EEF2K: variants seen among roughly 807,000 people sequenced by gnomAD.
The protein encoded by EEF2K is alternative protein EEF2K.
A neutral mutation model predicts 93.8 loss-of-function variants in EEF2K; 70 were observed. The ratio of observed to expected loss-of-function variants is 0.75; its 90% CI spans 0.62 to 0.91. The LOEUF (loss-of-function observed/expected upper bound fraction) is 0.91, where lower values mean the gene tolerates loss of function less well. EEF2K is among the 40% of genes least tolerant of loss of function. EEF2K has a pLI of 0.00. For missense variants in EEF2K, 935 were observed against 972.9 expected (o/e 0.96, Z 0.52); for synonymous variants, 376 against 380.8 (o/e 0.99, Z 0.15).
At chr16:22,252,100 C>A (rs2047357678) in intron 6 of EEF2K, among the ~76,000 whole-genome samples, 1 of 152,184 alleles carries the variant, frequency 6.6e-6, no homozygotes, top group Admixed American at 6.6e-5. Context: ...GTTCCAGAGT[C>A]ATTTATTCCT....
intron 6 of EEF2K, among the ~76,000 whole-genome samples, chr16:22,252,510 C>G (rs2047361394): frequency 6.6e-6 from 1 of 152,198 alleles, no homozygotes; most frequent in African/African-American, 2.4e-5. Flanking sequence ...CCGAGCCAAT[C>G]ACAGTGGCCA....
intron 2 of EEF2K, among the ~76,000 whole-genome samples, chr16:22,236,899 A>ATGT (rs1197338935): frequency 9.7e-6 from 1 of 102,774 alleles, no homozygotes; most frequent in Non-Finnish European, 2.0e-5. Flanking sequence ...AGCCAGAATT[A>ATGT]TGTTTTCCTT....
chr16:22,273,628 G>A lies in EEF2K; in HGVS notation c.1767G>A (p.Glu589=). The change falls in exon 16 of 18, where the codon GAG becomes GAA. Residue 589 remains glutamate (E), a splice_region_variant and synonymous_variant. Coordinates refer to ENST00000263026, the MANE Select transcript of EEF2K (RefSeq NM_013302.5). ...CCCTCTTTGGTTTGTATCAACAGGAGACAGAAGAGAACAAAACCAAAGGAT... is the reference window on the plus strand; with the variant it reads ...CCCTCTTTGGTTTGTATCAACAGGAAACAGAAGAGAACAAAACCAAAGGAT... ...HHILADVSLK[E]TEENKTKGFD... is the part of the protein sequence containing the mutation. The A allele has an allele frequency of 6.2e-7, 1 of 1,614,106 alleles. No individual in the cohort carries two copies. The highest frequency in any genetic ancestry group is 8.5e-7 in the Non-Finnish European group (1 of 1,180,012).
At position 22,283,364 on chromosome 16, in the gene EEF2K, T is replaced by G. The variant is rs576784205; in HGVS notation, c.2069-523T>G. ...ATGATGCAAATCTATAATCTTTTAT[T>G]TGAAAATTTTAAATCCAAAAAGCTC... On this transcript the variant is annotated intron_variant, in intron 17 of 17. Coordinates refer to ENST00000263026, the MANE Select transcript of EEF2K (RefSeq NM_013302.5). Among the ~76,000 whole-genome samples, 110 of 152,004 alleles carry G rather than the reference T, an allele frequency of 7.2e-4. 1 individual carries two copies. Among genetic ancestry groups the G allele is most frequent in the Admixed American group, 8.5e-4 (13 of 15,268 alleles).
intron 10 of EEF2K, among the ~76,000 whole-genome samples, chr16:22,259,019 CA>C (rs11310612): frequency 0.24 from 35,447 of 147,982 alleles, 7,985 homozygotes; most frequent in African/African-American, 0.6. Context: ...GTATAGAGAA[CA>C]AAAAAAAAAT....
intron 9 of EEF2K, 145 bp from the exon 10 acceptor site, chr16:22,258,349 T>G: frequency 1.2e-6 from 1 of 860,332 alleles, no homozygotes; most frequent in Non-Finnish European, 1.7e-6. Flanking sequence ...ATTTTTTATT[T>G]TTTAAGACAA....
chr16:22,216,786 G>A (rs2046961919), intron 1 of EEF2K, among the ~76,000 whole-genome samples: 1 of 152,014 alleles, frequency 6.6e-6, no homozygotes, highest in African/African-American at 2.4e-5. Flanking sequence ...GGGTGGGGAA[G>A]GGAAGTAGTA....
intron 16 of EEF2K, among the ~76,000 whole-genome samples, chr16:22,277,888 T>C (rs2047653459): frequency 6.6e-6 from 1 of 152,100 alleles, no homozygotes; most frequent in Non-Finnish European, 1.5e-5. Flanking sequence ...TCTTGCTGTG[T>C]CATCACCTGG....
intron 1 of EEF2K, among the ~76,000 whole-genome samples, chr16:22,214,584 G>C (rs1244790431): frequency 6.6e-6 from 1 of 152,150 alleles, no homozygotes; most frequent in African/African-American, 2.4e-5. Flanking sequence ...AGGATCACTT[G>C]AGCCCAGGAG....
chr16:22,267,542 C>T (rs1598201398), intron 15 of EEF2K, among the ~76,000 whole-genome samples: 1 of 151,740 alleles, frequency 6.6e-6, no homozygotes, highest in East Asian at 1.9e-4. Flanking sequence ...TTATAGTGAG[C>T]TGAGATCACA....
chr16:22,268,087 G>A (rs1274417061), intron 15 of EEF2K, among the ~76,000 whole-genome samples: 1 of 152,174 alleles, frequency 6.6e-6, no homozygotes, highest in Admixed American at 6.5e-5. Context: ...TCTCAGACTC[G>A]AGGGTGGGAA....
intron 13 of EEF2K, chr16:22,265,387 G>A (rs1291833078): frequency 6.6e-6 from 1 of 152,066 alleles, no homozygotes; most frequent in Non-Finnish European, 1.5e-5. Context: ...GCCCATCTTT[G>A]GAGCCTTTAC....
intron 16 of EEF2K, among the ~76,000 whole-genome samples, chr16:22,278,038 C>T (rs1218825606): frequency 6.6e-6 from 1 of 152,002 alleles, no homozygotes; most frequent in Non-Finnish European, 1.5e-5. Context: ...GAGTGTGTCT[C>T]TATAAAAAAA....
rs1393041617 is a variant in EEF2K at position 22,225,660 on chromosome 16, C to T, written c.-70C>T. ...GCCCTTGCTTTCCTTGTAGGACCTTCGCCTCTGCATTTGTCCAGTAACTCT... is the reference window on the plus strand; with the variant it reads ...GCCCTTGCTTTCCTTGTAGGACCTTTGCCTCTGCATTTGTCCAGTAACTCT... On this transcript the variant is annotated 5_prime_UTR_variant, in exon 2 of 18. Transcript: ENST00000263026. The T allele has an allele frequency of 1.9e-6, 3 of 1,572,738 alleles. No homozygotes were observed. Among genetic ancestry groups the T allele is most frequent in the Admixed American group, 1.8e-5 (1 of 56,848 alleles).
At chr16:22,231,212 C>T (rs2047111410) in intron 2 of EEF2K, among the ~76,000 whole-genome samples, 1 of 150,638 alleles carries the variant, frequency 6.6e-6, no homozygotes, top group Admixed American at 6.6e-5. Context: ...CCTCAGCCTT[C>T]CGAATAGCTG....
intron 2 of EEF2K, among the ~76,000 whole-genome samples, chr16:22,227,956 A>G (rs1184380216): frequency 6.6e-6 from 1 of 151,140 alleles, no homozygotes; most frequent in East Asian, 1.9e-4. Flanking sequence ...AAAAGAAAAA[A>G]TGCTTACAGC....
At position 22,231,998 on chromosome 16, in the gene EEF2K, C is replaced by T. The variant is rs369922751; in HGVS notation, c.246+6023C>T. Among the ~76,000 whole-genome samples, 3 of 65,988 alleles carry T rather than the reference C, an allele frequency of 4.5e-5. No homozygotes were observed. The Admixed American group carries it at 6.0e-4, about 13-fold the overall frequency. The allele number at this position is 65,988 out of a possible 152,430, so 43.3% of individuals were successfully genotyped here. A position where few individuals can be genotyped will look rare whatever the true frequency, so the allele number is the denominator to read the frequency against. ...AGAGCGAAACTCTGTCTTAAACAAA[C>T]AAAAAAAAAAAAAAAAAAAAAAGCT... On this transcript the variant is annotated intron_variant, in intron 2 of 17. Transcript: ENST00000263026.
chr16:22,212,367 A>G (rs1055577133), intron 1 of EEF2K, among the ~76,000 whole-genome samples: 7 of 150,850 alleles, frequency 4.6e-5, no homozygotes, highest in Non-Finnish European at 7.4e-5. Flanking sequence ...TGTGTCACCC[A>G]GGCTGGAGTG....
At chr16:22,247,581 G>A (rs774436878) in intron 3 of EEF2K, among the ~76,000 whole-genome samples, 2 of 152,134 alleles carry the variant, frequency 1.3e-5, no homozygotes, top group Non-Finnish European at 2.9e-5. Context: ...ATAACAGAGT[G>A]GCCAAGAAGA....
Sources: allele counts gnomAD v4.1 joint callset (sites outside exome capture counted in the v4.1 genomes callset), GRCh38; gene constraint gnomAD v4.1.1; transcripts MANE v1.5; gene names NCBI Gene and HGNC (gene_info 2026-07-23, HGNC 2026-07-21).